PCDH15: variants seen among roughly 807,000 people sequenced by gnomAD.
PCDH15 encodes protocadherin-15.
A neutral mutation model predicts 178.5 loss-of-function variants in PCDH15; 129 were observed. The observed-to-expected ratio is 0.72, with a 90% CI of 0.63 to 0.84. The LOEUF is 0.84. PCDH15 is among the 40% of genes least tolerant of loss of function. PCDH15 has a pLI of 0.00. For missense variants in PCDH15, 2,230 were observed against 2,099.9 expected (o/e 1.06, Z -1.21); for synonymous variants, 800 against 732.0 (o/e 1.09, Z -1.50).
At chr10:54,827,269 A>G (rs1953148185) in intron 3 of PCDH15, among the ~76,000 whole-genome samples, 1 of 152,138 alleles carries the variant, frequency 6.6e-6, no homozygotes, top group Non-Finnish European at 1.5e-5. Context: ...CACTAGCCAG[A>G]ATACAAATAT....
intron 2 of PCDH15, among the ~76,000 whole-genome samples, chr10:55,130,567 C>T (rs969883987): frequency 1.3e-5 from 2 of 151,986 alleles, no homozygotes; most frequent in African/African-American, 2.4e-5. Flanking sequence ...ATTATTTAAC[C>T]TTCTTGTAAG....
intron 3 of PCDH15, among the ~76,000 whole-genome samples, chr10:54,407,383 T>C (rs1021323167): frequency 6.6e-5 from 10 of 152,096 alleles, no homozygotes; most frequent in African/African-American, 1.9e-4. Flanking sequence ...TATCCATAAA[T>C]ATAATAATCA....
In PCDH15 at chr10:54,267,540, A is replaced by ATT. The variant is rs200228870; in HGVS notation, c.877-30610_877-30609insAA. ...CTAGAAAACCCTAATGATTCTGACC[A>ATT]AAGACGCCTAAAGTTGATTAAAAAT... On this transcript the variant is annotated intron_variant, in intron 8 of 37. Transcript: ENST00000644397. Among the ~76,000 whole-genome samples the ATT allele has an allele frequency of 9.0e-3, 1,366 of 152,026 alleles. 13 individuals are homozygous for ATT. Among genetic ancestry groups the ATT allele is most frequent in the Middle Eastern group, 0.02 (6 of 294 alleles).
At chr10:55,487,130 G>A (rs889180923) in intron 2 of PCDH15, among the ~76,000 whole-genome samples, 2 of 151,432 alleles carry the variant, frequency 1.3e-5, no homozygotes, top group Admixed American at 1.3e-4. Flanking sequence ...ATATTTATAA[G>A]CCAAATGCCT....
chr10:55,052,503 C>T (rs561367101), intron 2 of PCDH15, among the ~76,000 whole-genome samples: 2 of 111,006 alleles, frequency 1.8e-5, no homozygotes, highest in Admixed American at 1.1e-4. Flanking sequence ...AGTTCAAGAC[C>T]AGCCTGGCAA....
chr10:55,395,894 C>T (rs1837916530), intron 2 of PCDH15, among the ~76,000 whole-genome samples: 1 of 151,906 alleles, frequency 6.6e-6, no homozygotes, highest in Non-Finnish European at 1.5e-5. Flanking sequence ...TACAATGCAT[C>T]CCAGCATATA....
rs536116563 is a variant in PCDH15, at chr10:55,447,698, A to AT, written c.-156+179926dup. 2.6e-5 allele frequency among the ~76,000 whole-genome samples: 4 copies of AT among 152,170 alleles called. No homozygotes were observed. In the South Asian group the frequency reaches 8.3e-4, roughly 32 times the overall value. ...GGACTTAAAAAATAGTTGTGAAATA[A>AT]TTTTTTAAAATAGTCATTAAAACCA... On this transcript the variant is annotated intron_variant, in intron 2 of 5. Coordinates refer to the PCDH15 transcript ENST00000613346.
intron 1 of PCDH15, among the ~76,000 whole-genome samples, chr10:55,253,077 T>C (rs370874176): frequency 6.6e-6 from 1 of 152,116 alleles, no homozygotes; most frequent in South Asian, 2.1e-4. Flanking sequence ...GATACCTGTT[T>C]AATTTCTCAC....
intron 2 of PCDH15, among the ~76,000 whole-genome samples, chr10:54,924,437 C>T (rs1669670231): frequency 7.3e-6 from 1 of 137,520 alleles, no homozygotes; most frequent in African/African-American, 2.5e-5. Context: ...CTGGACAATT[C>T]ATATGCATTT....
intron 27 of PCDH15, among the ~76,000 whole-genome samples, chr10:53,859,328 G>A (rs1479226265): frequency 1.3e-5 from 2 of 152,128 alleles, no homozygotes; most frequent in Non-Finnish European, 2.9e-5. Context: ...TGTGGGTTAT[G>A]GATAGGGTGA....
intron 2 of PCDH15, among the ~76,000 whole-genome samples, chr10:55,350,213 T>C (rs1844873649): frequency 7.4e-6 from 1 of 135,166 alleles, no homozygotes; most frequent in Non-Finnish European, 1.6e-5. Context: ...GGTGAATATA[T>C]ACCATATATA....
At chr10:55,529,287 C>G (rs1223720817) in intron 2 of PCDH15, among the ~76,000 whole-genome samples, 1 of 151,794 alleles carries the variant, frequency 6.6e-6, no homozygotes, top group Non-Finnish European at 1.5e-5. Flanking sequence ...GTGTTTTAGA[C>G]ATGAAGTCTT....
rs77313782 is a variant in PCDH15 at position 55,433,056 on chromosome 10, C to A, written c.-156+194569G>T. Among the ~76,000 whole-genome samples the A allele has an allele frequency of 8.3e-4, 9 of 10,848 alleles. No homozygotes were observed. The African/African-American group carries it at 0.03, about 36-fold the overall frequency. The allele number at this position is 10,848 out of a possible 152,430, so 7.1% of individuals were successfully genotyped here. A position where few individuals can be genotyped will look rare whatever the true frequency, so the allele number is the denominator to read the frequency against. On this transcript the variant is annotated intron_variant, in intron 2 of 5. Transcript: ENST00000613346. ...CAAAACAAAACAAAACAAAACAAAACAAAAACAGAAGTAGCATTCGACCCA... is the reference window on the plus strand; with the variant it reads ...CAAAACAAAACAAAACAAAACAAAAAAAAAACAGAAGTAGCATTCGACCCA...
chr10:54,755,140 C>G (rs1045933163), intron 1 of PCDH15, among the ~76,000 whole-genome samples: 1 of 151,908 alleles, frequency 6.6e-6, no homozygotes, highest in Non-Finnish European at 1.5e-5. Context: ...CCATGTTGGC[C>G]AGGCTGGTCT....
intron 2 of PCDH15, among the ~76,000 whole-genome samples, chr10:55,611,379 A>G (rs888814988): frequency 4.6e-5 from 7 of 152,120 alleles, no homozygotes; most frequent in Non-Finnish European, 1.0e-4. Flanking sequence ...TCCAAAGAAG[A>G]CATACAAATG....
intron 1 of PCDH15, among the ~76,000 whole-genome samples, chr10:54,669,175 G>A (rs2094617626): frequency 6.6e-6 from 1 of 151,994 alleles, no homozygotes; most frequent in African/African-American, 2.4e-5. Flanking sequence ...TATTAATAAT[G>A]TCTTCATCAG....
intron 2 of PCDH15, among the ~76,000 whole-genome samples, chr10:55,008,359 C>A (rs1839979317): frequency 1.3e-5 from 2 of 152,104 alleles, no homozygotes; most frequent in African/African-American, 4.8e-5. Flanking sequence ...TGTAAGCAGA[C>A]TCTTGAGATC....
chr10:54,560,632 T>C (rs557406661), intron 2 of PCDH15, among the ~76,000 whole-genome samples: 1 of 152,186 alleles, frequency 6.6e-6, no homozygotes, highest in South Asian at 2.1e-4. Flanking sequence ...TCAATAATCA[T>C]GTATAAAGGT....
chr10:55,150,096 T>G (rs2489229), intron 2 of PCDH15, among the ~76,000 whole-genome samples: 134,218 of 148,652 alleles, frequency 0.9, 61,234 homozygotes, highest in Non-Finnish European at 0.97. Flanking sequence ...GAGGAAAAGA[T>G]AGAAGACGAG....
Sources: allele counts gnomAD v4.1 joint callset (sites outside exome capture counted in the v4.1 genomes callset), GRCh38; gene constraint gnomAD v4.1.1; transcripts MANE v1.5; gene names NCBI Gene and HGNC (gene_info 2026-07-23, HGNC 2026-07-21).